The following TMEM114 variants were observed in gnomAD, a reference collection of about 807,000 sequenced individuals.
TMEM114 encodes the protein transmembrane protein 114, also known as claudin-26.
A neutral mutation model predicts 6.2 loss-of-function variants in TMEM114; 6 were observed. The observed-to-expected ratio is 0.97, with a 90% CI of 0.53 to 1.91. TMEM114 has a LOEUF of 1.91. TMEM114 is among the 40% of genes most tolerant of loss of function. The pLI is 0.01. For synonymous variants in TMEM114, 104 were observed against 73.0 expected (o/e 1.42, Z -2.16); for missense variants, 218 against 158.3 (o/e 1.38, Z -2.02).
downstream of TMEM114, among the ~76,000 whole-genome samples, chr16:8,536,137 A>T (rs1310958324): frequency 6.6e-6 from 1 of 151,976 alleles, no homozygotes; most frequent in African/African-American, 2.4e-5. Context: ...AGGCAGGACA[A>T]TCACTTGAAC....
In TMEM114 at chr16:8,589,915, C is replaced by T; in HGVS notation, c.-77G>A. On this transcript the variant is annotated 5_prime_UTR_variant, in exon 1 of 4. Transcript: ENST00000620492. ...CTCTGCTCCTGCCCCCGTCCCCAGC[C>T]GGCCACCGCGGGCTCCCAGCTCCAC... is the stretch of plus-strand genomic sequence containing the variant. 2.6e-6 allele frequency: 1 copy of T among 391,414 alleles called. No individual in the cohort carries two copies. Among genetic ancestry groups the T allele is most frequent in the African/African-American group, 2.1e-5 (1 of 48,284 alleles). The allele number at this position is 391,414 out of a possible 1,614,324, so 24.2% of individuals were successfully genotyped here. A position where few individuals can be genotyped will look rare whatever the true frequency, so the allele number is the denominator to read the frequency against.
At chr16:8,540,713 G>C (rs1225977217) in intron 2 of TMEM114, among the ~76,000 whole-genome samples, 1 of 152,182 alleles carries the variant, frequency 6.6e-6, no homozygotes, top group East Asian at 1.9e-4. Flanking sequence ...GACAGACATA[G>C]TTCCTATCTT....
intron 2 of TMEM114, among the ~76,000 whole-genome samples, chr16:8,546,074 C>G (rs1024049576): frequency 2.0e-5 from 3 of 152,118 alleles, no homozygotes; most frequent in African/African-American, 7.2e-5. Context: ...ATGATCATGT[C>G]ACTGCACTCC....
downstream of TMEM114, among the ~76,000 whole-genome samples, chr16:8,565,521 C>A (rs1437393515): frequency 6.6e-6 from 1 of 152,148 alleles, no homozygotes; most frequent in East Asian, 1.9e-4. Flanking sequence ...GCCGTAGTCC[C>A]ACTTCCTCCT....
downstream of TMEM114, among the ~76,000 whole-genome samples, chr16:8,532,663 G>A (rs562664097): frequency 2.1e-3 from 326 of 152,306 alleles, 3 homozygotes; most frequent in African/African-American, 6.8e-3. Context: ...AGTGGCTCAC[G>A]CCTGTAATCC....
downstream of TMEM114, among the ~76,000 whole-genome samples, chr16:8,568,044 G>T (rs966303965): frequency 4.6e-5 from 7 of 152,174 alleles, no homozygotes; most frequent in African/African-American, 1.4e-4. Context: ...GTGGAAGTAG[G>T]GGGAGGACCA....
chr16:8,539,949 C>T (rs948896068), intron 2 of TMEM114, among the ~76,000 whole-genome samples: 4 of 152,110 alleles, frequency 2.6e-5, no homozygotes, highest in Non-Finnish European at 5.9e-5. Context: ...TCTGGAATAG[C>T]TGGGATTACA....
At chr16:8,561,345 C>T (rs1044951121) in intron 2 of TMEM114, among the ~76,000 whole-genome samples, 8 of 152,216 alleles carry the variant, frequency 5.3e-5, no homozygotes, top group African/African-American at 1.7e-4. Context: ...CATCGTACAA[C>T]ACACTCTTCC....
At chr16:8,563,063 A>T (rs200061640) in intron 2 of TMEM114, among the ~76,000 whole-genome samples, 1 of 102,096 alleles carries the variant, frequency 9.8e-6, no homozygotes, top group African/African-American at 4.5e-5. Flanking sequence ...GTGAATGAGT[A>T]AGTGAATGAG....
chr16:8,583,212 G>C (rs912487245), intron 2 of TMEM114, among the ~76,000 whole-genome samples: 1 of 152,224 alleles, frequency 6.6e-6, no homozygotes, highest in Admixed American at 6.5e-5. Flanking sequence ...AGCTGGCCCA[G>C]TACTGGGGAT....
At chr16:8,550,722 A>G (rs1399659702) in intron 2 of TMEM114, among the ~76,000 whole-genome samples, 1 of 150,390 alleles carries the variant, frequency 6.6e-6, no homozygotes, top group African/African-American at 2.4e-5. Flanking sequence ...GCAAGCAAAC[A>G]AACAAACACT....
chr16:8,543,682 C>T (rs1900582012), intron 2 of TMEM114, among the ~76,000 whole-genome samples: 1 of 152,186 alleles, frequency 6.6e-6, no homozygotes, highest in South Asian at 2.1e-4. Flanking sequence ...CCTGACCTTT[C>T]TTCTAACATG....
the TMEM114 span, among the ~76,000 whole-genome samples, chr16:8,527,407 G>A: frequency 4.6e-5 from 7 of 152,118 alleles, no homozygotes; most frequent in Non-Finnish European, 8.8e-5. Context: ...GTGCTTTGAG[G>A]CTCACTGTTT....
chr16:8,570,758 T>C (rs1901708124), intron 3 of TMEM114, among the ~76,000 whole-genome samples: 2 of 151,932 alleles, frequency 1.3e-5, no homozygotes, highest in African/African-American at 4.8e-5. Flanking sequence ...TCCACAGATA[T>C]TAGATTTGAG....
chr16:8,560,816 G>C (rs1040689217), intron 2 of TMEM114, among the ~76,000 whole-genome samples: 1 of 152,182 alleles, frequency 6.6e-6, no homozygotes, highest in Non-Finnish European at 1.5e-5. Context: ...TGGGGACTGA[G>C]GCTGGGTGTA....
At chr16:8,541,458 T>A (rs1900513894) in intron 2 of TMEM114, among the ~76,000 whole-genome samples, 1 of 152,164 alleles carries the variant, frequency 6.6e-6, no homozygotes, top group East Asian at 1.9e-4. Flanking sequence ...TGATATCTAC[T>A]AAGAGATCAG....
intron 2 of TMEM114, among the ~76,000 whole-genome samples, chr16:8,561,349 C>G (rs906462269): frequency 6.6e-6 from 1 of 152,250 alleles, no homozygotes; most frequent in Non-Finnish European, 1.5e-5. Flanking sequence ...GTACAACACA[C>G]TCTTCCCTGC....
downstream of TMEM114, among the ~76,000 whole-genome samples, chr16:8,569,267 T>C (rs565214714): frequency 1.3e-4 from 20 of 152,232 alleles, no homozygotes; most frequent in East Asian, 5.8e-4. Context: ...CAGCTTCATA[T>C]TGTAGACCTA....
chr16:8,535,732 A>G (rs1016935952), downstream of TMEM114, among the ~76,000 whole-genome samples: 2 of 152,178 alleles, frequency 1.3e-5, no homozygotes, highest in African/African-American at 4.8e-5. Flanking sequence ...CATAATTCTC[A>G]TCAAGTCAAA....
Sources: gnomAD v4.1 joint callset for allele counts (sites outside exome capture counted in the v4.1 genomes callset) on GRCh38, gnomAD v4.1.1 for gene constraint, MANE v1.5 for transcripts, NCBI Gene and HGNC (gene_info 2026-07-23, HGNC 2026-07-21) for gene names.